Variants in DMD observed in about 807,000 individuals in gnomAD.
DMD encodes dystrophin.
In DMD, 63 loss-of-function variants were observed where a neutral mutation model predicts 330.1. That is an observed-to-expected ratio of 0.19 (90% CI 0.16 to 0.24). DMD has a LOEUF of 0.24. Ranked by LOEUF, DMD falls within the 10% of genes least tolerant of loss-of-function variation. The pLI is 1.00. For synonymous variants in DMD, 1,223 were observed against 959.8 expected, an observed-to-expected ratio of 1.27 and a Z score of -5.07; for missense variants, 3,344 against 2,684.1, an observed-to-expected ratio of 1.25 and a Z score of -5.43.
intron 48 of DMD, among the ~76,000 whole-genome samples, chrX:31,845,425 C>CTCTCTCTCTCTCTCTCT (rs35394288): frequency 2.0e-5 from 2 of 100,747 alleles, no homozygotes. Flanking sequence ...CTCTCTCTCT[C>CTCTCTCTCTCTCTCTCT]CCTCTCCTCC....
At chrX:32,212,497 G>A (rs1223236518) in intron 44 of DMD, among the ~76,000 whole-genome samples, 3 of 111,536 alleles carry the variant, frequency 2.7e-5, no homozygotes, top group Non-Finnish European at 5.7e-5. Flanking sequence ...AGAAATCAGA[G>A]ACATGAAAAG....
In DMD at chrX:31,298,493, A is replaced by C. The variant is rs186775290; in HGVS notation, c.9224+25105T>G. ...CACTGCCAGAGACTCAGTTAAGATA[A>C]TATTGTTCTCTATTTGACTCCTCTT... On this transcript the variant is annotated intron_variant, in intron 62 of 78. Transcript: ENST00000357033. Among the ~76,000 whole-genome samples the C allele has an allele frequency of 3.5e-3, 390 of 111,176 alleles. 1 individual carries two copies. The highest frequency in any genetic ancestry group is 5.3e-3 in the Non-Finnish European group (279 of 53,006).
At position 33,211,428 on chromosome X, in the gene DMD, A is replaced by C. The variant is rs773327329; in HGVS notation, c.-116T>G. 3 of 1,155,367 alleles carry C rather than the reference A, an allele frequency of 2.6e-6. No homozygotes were observed. The highest frequency in any genetic ancestry group is 3.5e-6 in the Non-Finnish European group (3 of 867,246). Reference sequence around the variant, plus strand: ...AACCAACAAACTTCAGCAGCTTTAAAAAAAGTAACACTTCAGTTTTTCCTA... The same window carrying C: ...AACCAACAAACTTCAGCAGCTTTAACAAAAGTAACACTTCAGTTTTTCCTA... On this transcript the variant is annotated 5_prime_UTR_variant, in exon 1 of 79. Coordinates refer to ENST00000357033, the MANE Select transcript of DMD (RefSeq NM_004006.3).
chrX:31,905,811 GCA>G (rs770378063), intron 47 of DMD, among the ~76,000 whole-genome samples: 1 of 111,999 alleles, frequency 8.9e-6, no homozygotes, highest in South Asian at 3.7e-4. Context: ...GTTGATGAAT[GCA>G]CAGTTTAGAA....
chrX:32,590,929 C>T (rs746767068), intron 13 of DMD, among the ~76,000 whole-genome samples: 59 of 111,532 alleles, frequency 5.3e-4, no homozygotes, highest in African/African-American at 1.8e-3. Flanking sequence ...ATATATACAT[C>T]TATCTATCCA....
At chrX:33,192,901 C>A (rs2050732720) in intron 1 of DMD, among the ~76,000 whole-genome samples, 1 of 112,180 alleles carries the variant, frequency 8.9e-6, no homozygotes, top group Non-Finnish European at 1.9e-5. Flanking sequence ...TTTTATAGCA[C>A]ACAAATACAC....
At chrX:31,994,419 G>A (rs1416389667) in intron 44 of DMD, among the ~76,000 whole-genome samples, 1 of 111,578 alleles carries the variant, frequency 9.0e-6, no homozygotes, top group Admixed American at 9.5e-5. Context: ...TCCCTTCCCC[G>A]CTAAATATTT....
At position 31,454,938 on chromosome X, in the gene DMD, GT is replaced by G. The variant is rs1443672156; in HGVS notation, c.8938-10312del. 5.8e-4 allele frequency among the ~76,000 whole-genome samples: 53 copies of G among 91,481 alleles called. 1 individual carries two copies. In the Admixed American group the frequency reaches 5.9e-3, roughly 10 times the overall value. The allele number at this position is 91,481 out of a possible 115,157, so 79.4% of individuals were successfully genotyped here. On this transcript the variant is annotated intron_variant, in intron 59 of 78. Transcript: ENST00000357033. ...TTGATATATATATATTTTTAAGTTA[GT>G]TTTTTCTTTTTCTTTTTTTTTTTTT...
chrX:32,682,535 A>T (rs949426541), intron 9 of DMD, among the ~76,000 whole-genome samples: 5 of 111,440 alleles, frequency 4.5e-5, no homozygotes, highest in Non-Finnish European at 7.5e-5. Context: ...CATGAATTTT[A>T]GCAAGTTAAC....
intron 45 of DMD, among the ~76,000 whole-genome samples, chrX:31,935,088 C>T (rs142736630): frequency 0.041 from 4,552 of 111,652 alleles, 80 homozygotes; most frequent in Non-Finnish European, 0.064. Context: ...GCTACACAGA[C>T]CTGGGAAGGA....
intron 44 of DMD, among the ~76,000 whole-genome samples, chrX:32,063,545 A>C (rs2096242281): frequency 1.8e-5 from 2 of 111,455 alleles, no homozygotes; most frequent in South Asian, 7.4e-4. Flanking sequence ...CACTCCAAAA[A>C]GTCTAGATCC....
At chrX:31,715,161 A>C (rs1463527797) in intron 52 of DMD, among the ~76,000 whole-genome samples, 1 of 109,581 alleles carries the variant, frequency 9.1e-6, no homozygotes, top group Non-Finnish European at 1.9e-5. Context: ...GTAATAAGAA[A>C]AAGAAAGTTT....
chrX:31,275,448 A>C (rs971836318), intron 62 of DMD, among the ~76,000 whole-genome samples: 2 of 111,197 alleles, frequency 1.8e-5, no homozygotes, highest in African/African-American at 6.5e-5. Context: ...TATTGAGTTA[A>C]TATGAACAAG....
At chrX:31,779,882 G>A (rs369548265) in intron 50 of DMD, among the ~76,000 whole-genome samples, 38 of 112,005 alleles carry the variant, frequency 3.4e-4, no homozygotes, top group African/African-American at 1.1e-3. Flanking sequence ...AGAAAATCAA[G>A]CTCAAAATAG....
At chrX:33,179,567 G>T (rs1432843302) in intron 1 of DMD, among the ~76,000 whole-genome samples, 1 of 108,265 alleles carries the variant, frequency 9.2e-6, no homozygotes, top group Non-Finnish European at 1.9e-5. Flanking sequence ...GGTGGCGGGC[G>T]CCTGTAGTCC....
intron 41 of DMD, among the ~76,000 whole-genome samples, chrX:32,325,899 G>C (rs1358510829): frequency 9.2e-6 from 1 of 108,590 alleles, no homozygotes; most frequent in Non-Finnish European, 1.9e-5. Flanking sequence ...CACTTCCCAG[G>C]TTCAATTTAT....
intron 41 of DMD, among the ~76,000 whole-genome samples, chrX:32,329,603 T>A (rs12388894): frequency 0.033 from 3,758 of 112,361 alleles, 79 homozygotes; most frequent in Non-Finnish European, 0.055. Flanking sequence ...ATATTATTCA[T>A]GTTTCATGTG....
chrX:32,937,643 G>T (rs2090111896), intron 2 of DMD, among the ~76,000 whole-genome samples: 1 of 108,130 alleles, frequency 9.2e-6, no homozygotes, highest in Non-Finnish European at 1.9e-5. Context: ...TGGATGAGTA[G>T]ACGAATGGAG....
intron 1 of DMD, among the ~76,000 whole-genome samples, chrX:33,318,989 T>A (rs1444512446): frequency 9.0e-6 from 1 of 110,928 alleles, no homozygotes; most frequent in Non-Finnish European, 1.9e-5. Context: ...CTTTAGGTTG[T>A]GATTAGGTTA....
Sources: allele counts gnomAD v4.1 joint callset (sites outside exome capture counted in the v4.1 genomes callset), GRCh38; gene constraint gnomAD v4.1.1; transcripts MANE v1.5; gene names NCBI Gene and HGNC (gene_info 2026-07-23, HGNC 2026-07-21).